DLGAP2: variants seen among roughly 807,000 people sequenced by gnomAD.
DLGAP2 encodes the protein disks large-associated protein 2.
DLGAP2 carries 26 observed loss-of-function variants against 100.3 expected under a neutral mutation model. That is an observed-to-expected ratio of 0.26 (90% confidence interval 0.19 to 0.36). The LOEUF (loss-of-function observed/expected upper bound fraction) is 0.36, where lower values mean the gene tolerates loss of function less well. Among genes scored for constraint, DLGAP2 ranks in the 10% least tolerant of loss-of-function variants. DLGAP2 has a pLI of 1.00. For missense variants in DLGAP2, 1,858 were observed against 1,453.2 expected (o/e 1.28, Z -4.53); for synonymous variants, 886 against 630.1 (o/e 1.41, Z -6.08).
intron 2 of DLGAP2, among the ~76,000 whole-genome samples, chr8:942,067 T>C (rs1799209541): frequency 6.6e-6 from 1 of 152,186 alleles, no homozygotes; most frequent in African/African-American, 2.4e-5. Context: ...TCAGTGATTC[T>C]CCTCCTCTGG....
At chr8:1,168,647 T>A (rs527600999) in intron 2 of DLGAP2, among the ~76,000 whole-genome samples, 1 of 147,902 alleles carries the variant, frequency 6.8e-6, no homozygotes, top group African/African-American at 2.5e-5. Context: ...GTGAGCATTT[T>A]TTCATGTGTT....
rs371619469 is a variant in DLGAP2, at chr8:1,247,383, T to C, written c.74-11468T>C. Among the ~76,000 whole-genome samples the C allele has an allele frequency of 9.5e-4, 132 of 138,484 alleles. 2 individuals carry two copies. Among genetic ancestry groups the C allele is most frequent in the East Asian group, 6.8e-3 (29 of 4,240 alleles). The allele number at this position is 138,484 out of a possible 152,430, so 90.9% of individuals were successfully genotyped here. Reference sequence around the variant, plus strand: ...TCAGTGTGGGAGTGATGGTCCATGTTGGTGGCCGGGAAGACCTTTGAGATC... The same window carrying C: ...TCAGTGTGGGAGTGATGGTCCATGTCGGTGGCCGGGAAGACCTTTGAGATC... On this transcript the variant is annotated intron_variant, in intron 2 of 14. Coordinates refer to ENST00000637795, the MANE Select transcript of DLGAP2 (RefSeq NM_001346810.2).
At chr8:1,379,876 G>C (rs545545655) in intron 3 of DLGAP2, among the ~76,000 whole-genome samples, 98 of 84,554 alleles carry the variant, frequency 1.2e-3, no homozygotes, top group African/African-American at 3.2e-3. Context: ...CTGCTGATTT[G>C]GGGTGCCTTC....
At chr8:1,189,902 C>G (rs1035312278) in intron 2 of DLGAP2, among the ~76,000 whole-genome samples, 3 of 152,134 alleles carry the variant, frequency 2.0e-5, no homozygotes, top group African/African-American at 7.2e-5. Flanking sequence ...GGGTAACTCA[C>G]GGCTTTGGGT....
chr8:1,211,777 A>C (rs1798109112), intron 2 of DLGAP2, among the ~76,000 whole-genome samples: 1 of 152,264 alleles, frequency 6.6e-6, no homozygotes, highest in South Asian at 2.1e-4. Flanking sequence ...CAGGAGGCTG[A>C]GGCAGGAGAA....
intron 1 of DLGAP2, among the ~76,000 whole-genome samples, chr8:902,090 A>G (rs1334340377): frequency 6.6e-6 from 1 of 152,214 alleles, no homozygotes; most frequent in East Asian, 1.9e-4. Flanking sequence ...GGGATTGCTC[A>G]GGAATGTTGC....
intron 3 of DLGAP2, among the ~76,000 whole-genome samples, chr8:1,351,564 C>T (rs1422153214): frequency 2.7e-5 from 2 of 74,368 alleles, no homozygotes; most frequent in African/African-American, 8.4e-5. Flanking sequence ...AAAGGACGTG[C>T]GGGTCCTGAC....
chr8:1,535,517 G>A (rs930529202), intron 4 of DLGAP2, among the ~76,000 whole-genome samples: 2 of 152,178 alleles, frequency 1.3e-5, no homozygotes, highest in Admixed American at 6.5e-5. Flanking sequence ...TAGCACAGAC[G>A]TGTTCAAGCG....
Position 976,885 on chromosome 8 carries a change from A to C in DLGAP2, c.73+68919A>C, listed in dbSNP as rs932253736. ...AGGTAACTGTAGATTTAGTGATGAC[A>C]TTTTAGATATAGTACCAAAAGCACT... On this transcript the variant is annotated intron_variant, in intron 2 of 14. Transcript: ENST00000637795. 6.6e-5 allele frequency among the ~76,000 whole-genome samples: 10 copies of C among 152,258 alleles called. 1 individual carries two copies. The highest frequency in any genetic ancestry group is 2.4e-4 in the African/African-American group (10 of 41,460).
chr8:932,265 T>G lies in DLGAP2; in HGVS notation c.73+24299T>G, dbSNP rs1392143991. On this transcript the variant is annotated intron_variant, in intron 2 of 14. Coordinates refer to ENST00000637795, the MANE Select transcript of DLGAP2 (RefSeq NM_001346810.2). ...ACGTGTGTTCTGAAATAGAAAAGGG[T>G]GACAAATGTTCTCTGAAGTTCATAA... Among the ~76,000 whole-genome samples the G allele has an allele frequency of 3.9e-5, 6 of 152,294 alleles. No individual in the cohort carries two copies. In the South Asian group the frequency reaches 1.2e-3, roughly 32 times the overall value.
In DLGAP2 at chr8:1,553,462, G is replaced by A. The variant is rs78944992; in HGVS notation, c.1230+3779G>A. On this transcript the variant is annotated intron_variant, in intron 5 of 14. Transcript: ENST00000637795. ...GCCCTGTTTTATTCGGCGTGTTCAC[G>A]GTCAGCAGCCCCGTTGTGCTTGGCG... 0.01 allele frequency among the ~76,000 whole-genome samples: 32 copies of A among 3,140 alleles called. No homozygotes were observed. The Admixed American group carries it at 0.12, about 12-fold the overall frequency. 2.1% of individuals were successfully genotyped at this position (3,140 alleles called of 152,430 possible).
intron 2 of DLGAP2, among the ~76,000 whole-genome samples, chr8:999,182 C>G (rs550735344): frequency 2.0e-5 from 3 of 151,634 alleles, no homozygotes; most frequent in Non-Finnish European, 4.4e-5. Flanking sequence ...CTGTCCAGTC[C>G]CCTCCTCACG....
chr8:1,577,655 A>G (rs1050340628), intron 6 of DLGAP2, among the ~76,000 whole-genome samples: 15 of 151,856 alleles, frequency 9.9e-5, no homozygotes, highest in Admixed American at 8.5e-4. Flanking sequence ...GGAAGAGGAA[A>G]GGCATCCCTG....
intron 2 of DLGAP2, among the ~76,000 whole-genome samples, chr8:1,200,260 C>T (rs75790478): frequency 1.7e-3 from 262 of 152,318 alleles, no homozygotes; most frequent in African/African-American, 6.1e-3. Flanking sequence ...CTTTCCCCAT[C>T]GAGGCTTCAT....
At chr8:1,018,171 A>G (rs1043609685) in intron 2 of DLGAP2, among the ~76,000 whole-genome samples, 1 of 151,728 alleles carries the variant, frequency 6.6e-6, no homozygotes, top group Admixed American at 6.6e-5. Flanking sequence ...GCATTATCCT[A>G]GACTCTCACA....
intron 2 of DLGAP2, among the ~76,000 whole-genome samples, chr8:1,012,905 C>G (rs1801338661): frequency 6.6e-6 from 1 of 152,118 alleles, no homozygotes; most frequent in East Asian, 1.9e-4. Flanking sequence ...TGTCGTGTGC[C>G]TGGCGATTGC....
intron 3 of DLGAP2, among the ~76,000 whole-genome samples, chr8:1,477,874 C>A (rs923492097): frequency 2.6e-5 from 4 of 151,672 alleles, no homozygotes; most frequent in African/African-American, 9.7e-5. Context: ...ATGCCGGTGT[C>A]GGGATGGCAG....
rs142563217 is a variant in DLGAP2, at chr8:1,616,976, C to A, written c.1443-9764C>A. Among the ~76,000 whole-genome samples, 743 of 152,298 alleles carry A rather than the reference C, an allele frequency of 4.9e-3. 2 individuals carry two copies. The highest frequency in any genetic ancestry group is 7.6e-3 in the Non-Finnish European group (515 of 68,022). On this transcript the variant is annotated intron_variant, in intron 6 of 14. Transcript: ENST00000637795. ...CTTAGCTCCCACTTATAAGGGAGAA[C>A]ATGCAGTATTTGGTTTTCTGTCCCT...
chr8:764,064 A>G (rs1490025739), intron 1 of DLGAP2, among the ~76,000 whole-genome samples: 1 of 152,156 alleles, frequency 6.6e-6, no homozygotes, highest in Non-Finnish European at 1.5e-5. Context: ...CTAACCTGTA[A>G]CCACATTTAG....
Sources: allele counts gnomAD v4.1 joint callset (sites outside exome capture counted in the v4.1 genomes callset), GRCh38; gene constraint gnomAD v4.1.1; transcripts MANE v1.5; gene names NCBI Gene and HGNC (gene_info 2026-07-23, HGNC 2026-07-21).